TSPEAR: variants seen among roughly 807,000 people sequenced by gnomAD.
TSPEAR encodes the protein thrombospondin-type laminin G domain and EAR repeat-containing protein.
TSPEAR carries 69 observed loss-of-function variants against 71.6 expected under a neutral mutation model. That is an observed-to-expected ratio of 0.96 (90% CI 0.79 to 1.18). The LOEUF (loss-of-function observed/expected upper bound fraction) is 1.18, where lower values mean the gene tolerates loss of function less well. Among genes scored for constraint, TSPEAR ranks in the 50% most tolerant of loss-of-function variants. The pLI is 0.00. For synonymous variants in TSPEAR, 402 were observed against 387.2 expected (o/e 1.04, Z -0.45); for missense variants, 971 against 894.9 (o/e 1.09, Z -1.09).
intron 2 of TSPEAR, among the ~76,000 whole-genome samples, chr21:44,543,672 G>A (rs1410247548): frequency 6.6e-6 from 1 of 152,214 alleles, no homozygotes; most frequent in Non-Finnish European, 1.5e-5. Context: ...AAGATGATAT[G>A]ACAACAGAGG....
rs782537563 is a variant in TSPEAR at position 44,666,923 on chromosome 21, A to T, written c.82+44510T>A. The stretch of plus-strand genomic sequence containing the variant: ...GCTGGATAAGGTCGAGGCAGAGGGC[A>T]GTGATGTCTGGGGACGGCCTCCCTG... On this transcript the variant is annotated intron_variant, in intron 1 of 11. Coordinates refer to ENST00000323084, the MANE Select transcript of TSPEAR (RefSeq NM_144991.3). 3 of 1,597,176 alleles carry T rather than the reference A, an allele frequency of 1.9e-6. No homozygotes were observed. The African/African-American group carries it at 4.0e-5, about 21-fold the overall frequency.
intron 8 of TSPEAR, among the ~76,000 whole-genome samples, chr21:44,522,710 C>A (rs997316538): frequency 2.0e-5 from 3 of 152,270 alleles, no homozygotes; most frequent in African/African-American, 7.2e-5. Context: ...CGGTACCTTC[C>A]AGGCCAGTGC....
intron 1 of TSPEAR, among the ~76,000 whole-genome samples, chr21:44,688,047 G>C (rs1986940483): frequency 6.6e-6 from 1 of 152,218 alleles, no homozygotes; most frequent in Non-Finnish European, 1.5e-5. Flanking sequence ...CAACTTTTCT[G>C]TATGTTTCCG....
At chr21:44,580,870 C>T (rs1978927268) in intron 1 of TSPEAR, among the ~76,000 whole-genome samples, 1 of 152,008 alleles carries the variant, frequency 6.6e-6, no homozygotes, top group Non-Finnish European at 1.5e-5. Context: ...CTTATTTTAG[C>T]CCCAGAAATG....
intron 1 of TSPEAR, among the ~76,000 whole-genome samples, chr21:44,603,583 T>A (rs1321547671): frequency 2.0e-5 from 3 of 152,086 alleles, no homozygotes; most frequent in Admixed American, 2.0e-4. Flanking sequence ...AGGGGAGGTG[T>A]GCTGTGGGGC....
rs587631074 is a variant in TSPEAR at position 44,676,146 on chromosome 21, G to T, written c.82+35287C>A. 3 of 965,212 alleles carry T rather than the reference G, an allele frequency of 3.1e-6. No homozygotes were observed. The African/African-American group carries it at 4.8e-5, about 15-fold the overall frequency. 59.8% of individuals were successfully genotyped at this position (965,212 alleles called of 1,614,324 possible). A position where few individuals can be genotyped will look rare whatever the true frequency, so the allele number is the denominator to read the frequency against. The stretch of plus-strand genomic sequence containing the variant: ...GTTGCTGAGGCGGGAATAGAAGCAG[G>T]GACTGCAGGTAGGAGAAGAAGTACT... On this transcript the variant is annotated intron_variant, in intron 1 of 11. Transcript: ENST00000323084.
chr21:44,697,443 C>A (rs781909794), intron 1 of TSPEAR: 1 of 1,614,046 alleles, frequency 6.2e-7, no homozygotes, highest in Admixed American at 1.7e-5. Flanking sequence ...AGCTCCTGCA[C>A]GCCCTCGTGC....
chr21:44,684,697 C>G (rs1986774949), intron 1 of TSPEAR, among the ~76,000 whole-genome samples: 1 of 150,638 alleles, frequency 6.6e-6, no homozygotes, highest in Non-Finnish European at 1.5e-5. Flanking sequence ...GGAGTAAGGG[C>G]CAGGCAACGT....
chr21:44,601,891 A>T (rs1980958626), intron 1 of TSPEAR: 4 of 1,042,532 alleles, frequency 3.8e-6, no homozygotes, highest in Admixed American at 2.9e-5. Flanking sequence ...TCCTAGAAGC[A>T]GCTCAGCTGT....
At chr21:44,690,589 C>G in intron 1 of TSPEAR, 1 of 985,440 alleles carries the variant, frequency 1.0e-6, no homozygotes, top group Non-Finnish European at 1.2e-6. Flanking sequence ...TCAGCCCACG[C>G]TTTCAAAGAT....
intron 1 of TSPEAR, among the ~76,000 whole-genome samples, chr21:44,579,142 T>C (rs1978686887): frequency 2.0e-5 from 3 of 152,070 alleles, no homozygotes; most frequent in Non-Finnish European, 4.4e-5. Context: ...GCCAGCTTCC[T>C]GGAAGGTGAC....
At chr21:44,614,579 G>A (rs73907060) in intron 1 of TSPEAR, among the ~76,000 whole-genome samples, 3,795 of 152,318 alleles carry the variant, frequency 0.025, 158 homozygotes, top group African/African-American at 0.086. Flanking sequence ...GCTCCGGAAC[G>A]TTCCTACTGG....
In TSPEAR at chr21:44,658,220, A is replaced by G. The variant is rs782699604; in HGVS notation, c.82+53213T>C. 8 of 1,613,958 alleles carry G rather than the reference A, an allele frequency of 5.0e-6. No individual in the cohort carries two copies. The highest frequency in any genetic ancestry group is 6.8e-6 in the Non-Finnish European group (8 of 1,179,994). Reference sequence around the variant, plus strand: ...TTCGGGGTGCTGCCAGCCCCCCTGCACCACTGCCCTCTGCAGACCCATCTC... The same window carrying G: ...TTCGGGGTGCTGCCAGCCCCCCTGCGCCACTGCCCTCTGCAGACCCATCTC... On this transcript the variant is annotated intron_variant, in intron 1 of 11. Coordinates refer to ENST00000323084, the MANE Select transcript of TSPEAR (RefSeq NM_144991.3).
chr21:44,698,786 T>C (rs1987509221), intron 1 of TSPEAR, among the ~76,000 whole-genome samples: 1 of 152,248 alleles, frequency 6.6e-6, no homozygotes, highest in African/African-American at 2.4e-5. Flanking sequence ...CACTTCCTTC[T>C]ACTGCCCCTA....
At chr21:44,532,812 A>G (rs2052999428) in intron 3 of TSPEAR, among the ~76,000 whole-genome samples, 2 of 152,164 alleles carry the variant, frequency 1.3e-5, no homozygotes, top group Admixed American at 1.3e-4. Context: ...CAAAAACGAG[A>G]AACGAACTCG....
intron 2 of TSPEAR, among the ~76,000 whole-genome samples, chr21:44,555,165 C>T (rs782504024): frequency 2.0e-5 from 3 of 152,126 alleles, no homozygotes; most frequent in East Asian, 3.8e-4. Context: ...ACCATGAAAA[C>T]GTGAGGAGGA....
At chr21:44,509,169 C>T (rs1217515488) in intron 10 of TSPEAR, 30 bp downstream of exon 10, 2 of 1,603,594 alleles carry the variant, frequency 1.2e-6, no homozygotes, top group South Asian at 2.2e-5. Flanking sequence ...GAGATCAGCC[C>T]ACCTCCCACT....
chr21:44,711,471 G>T lies in TSPEAR; in HGVS notation c.44C>A (p.Ala15Asp). Residue 15 changes from alanine to aspartate, a missense_variant, in exon 1 of 12, where the codon GCC (alanine) becomes GAC (aspartate). Physicochemically the swap from Ala to Asp is moderately radical, Grantham distance 126. Transcript: ENST00000323084. This position sits in a 1 kb window ranked among gnomAD's most constrained non-coding sequence, Gnocchi z 4.5. ...LSLCFVLPLAAPGHGTQGWEP... is the reference protein window; with the variant it reads ...LSLCFVLPLADPGHGTQGWEP... Reference sequence around the variant, plus strand: ...CCAACCCTGCGTGCCGTGGCCGGGGGCCGCCAGGGGCAGCACAAAACACAG... The same window carrying T: ...CCAACCCTGCGTGCCGTGGCCGGGGTCCGCCAGGGGCAGCACAAAACACAG... The T allele has an allele frequency of 3.7e-6, 6 of 1,611,592 alleles. No homozygotes were observed. Among genetic ancestry groups the T allele is most frequent in the Non-Finnish European group, 5.1e-6 (6 of 1,179,282 alleles).
At chr21:44,678,878 A>G (rs1986448090) in intron 1 of TSPEAR, among the ~76,000 whole-genome samples, 1 of 152,232 alleles carries the variant, frequency 6.6e-6, no homozygotes, top group Non-Finnish European at 1.5e-5. Context: ...ATGAAGGCTA[A>G]AACAACTCCA....
Sources: gnomAD v4.1 joint callset for allele counts (sites outside exome capture counted in the v4.1 genomes callset) on GRCh38, gnomAD v4.1.1 for gene constraint, Gnocchi (gnomAD v3.1) non-coding constraint, MANE v1.5 for transcripts, NCBI Gene and HGNC (gene_info 2026-07-23, HGNC 2026-07-21) for gene names.